The following TMX3 variants were observed in gnomAD, a reference collection of about 807,000 sequenced individuals.
The protein encoded by TMX3 is thioredoxin related transmembrane protein 3, also known as protein disulfide-isomerase TMX3.
Under a neutral mutation model 64.4 loss-of-function variants are expected in TMX3, and 40 were observed. The ratio of observed to expected loss-of-function variants is 0.62; its 90% CI spans 0.48 to 0.81. TMX3 has a LOEUF of 0.81. Ranked by LOEUF, TMX3 falls within the 30% of genes least tolerant of loss-of-function variation. The pLI, the probability that TMX3 is intolerant of heterozygous loss-of-function variation, is 0.00. For missense variants in TMX3, 497 were observed against 534.5 expected (o/e 0.93, Z 0.69); for synonymous variants, 189 against 175.7 (o/e 1.08, Z -0.60).
chr18:68,715,014 G>A lies in TMX3; in HGVS notation c.-33C>T. 1 of 1,557,948 alleles carries A rather than the reference G, an allele frequency of 6.4e-7. No individual in the cohort carries two copies. Among genetic ancestry groups the A allele is most frequent in the Non-Finnish European group, 8.7e-7 (1 of 1,151,278 alleles). ...CGGGAGAGCTGCAGAAGCTGACTGT[G>A]CAAAAGAGGGATAAAGACACTGGGG... On this transcript the variant is annotated 5_prime_UTR_variant, in exon 1 of 16. Coordinates refer to ENST00000299608, the MANE Select transcript of TMX3 (RefSeq NM_019022.5).
At chr18:68,702,206 A>C (rs1273347145) in intron 4 of TMX3, among the ~76,000 whole-genome samples, 1 of 131,604 alleles carries the variant, frequency 7.6e-6, no homozygotes, top group African/African-American at 2.9e-5. Flanking sequence ...AAAAAAGCCC[A>C]TCTCTTCTTT....
At chr18:68,704,130 T>C (rs1342441988) in intron 4 of TMX3, among the ~76,000 whole-genome samples, 3 of 151,988 alleles carry the variant, frequency 2.0e-5, no homozygotes, top group Admixed American at 6.6e-5. Context: ...AACGAAAAAA[T>C]AGATGGAACA....
At chr18:68,709,448 T>C (rs1488927941) in intron 4 of TMX3, among the ~76,000 whole-genome samples, 2 of 152,132 alleles carry the variant, frequency 1.3e-5, no homozygotes, top group African/African-American at 4.8e-5. Context: ...AGATAACAAA[T>C]AGCTATGCTT....
chr18:68,694,068 T>A (rs573447515), intron 8 of TMX3, among the ~76,000 whole-genome samples: 1 of 152,272 alleles, frequency 6.6e-6, no homozygotes, highest in African/African-American at 2.4e-5. Context: ...TTGCTCATCC[T>A]CCAGTTGTCC....
At chr18:68,701,532 A>G (rs761664612) in intron 5 of TMX3, 42 of 1,130,632 alleles carry the variant, frequency 3.7e-5, no homozygotes, top group Admixed American at 4.6e-5. Context: ...AGCAAGCAAA[A>G]CACGTGAATT....
intron 3 of TMX3, among the ~76,000 whole-genome samples, chr18:68,710,577 A>G (rs2031175972): frequency 1.3e-5 from 2 of 152,184 alleles, no homozygotes; most frequent in Non-Finnish European, 2.9e-5. Context: ...GCTGAGTTCT[A>G]TTGTAACCAC....
chr18:68,685,320 T>C (rs1024882750), intron 10 of TMX3, among the ~76,000 whole-genome samples: 1 of 152,252 alleles, frequency 6.6e-6, no homozygotes, highest in African/African-American at 2.4e-5. Context: ...ATTAAATCCA[T>C]AATCTTTCAG....
chr18:68,712,340 C>T (rs2031366886), intron 2 of TMX3, among the ~76,000 whole-genome samples: 2 of 152,196 alleles, frequency 1.3e-5, no homozygotes, highest in Admixed American at 1.3e-4. Context: ...TAGCCTTGAC[C>T]GGGGTCTGAC....
Position 68,674,357 on chromosome 18 carries a change from C to T in TMX3, c.*2576G>A, listed in dbSNP as rs555614881. On this transcript the variant is annotated 3_prime_UTR_variant, in exon 16 of 16. Transcript: ENST00000299608. Reference sequence around the variant, plus strand: ...CTCGATAAAAACATGCACTTTGTCTCGCTGAAATGTCCTTAAATATTGTCT... The same window carrying T: ...CTCGATAAAAACATGCACTTTGTCTTGCTGAAATGTCCTTAAATATTGTCT... The T allele has an allele frequency of 1.1e-4, 17 of 152,156 alleles. No individual in the cohort carries two copies. The highest frequency in any genetic ancestry group is 4.1e-4 in the African/African-American group (17 of 41,520). The allele number at this position is 152,156 out of a possible 1,614,324, so 9.4% of individuals were successfully genotyped here.
chr18:68,682,333 G>C (rs1289343237), intron 13 of TMX3, among the ~76,000 whole-genome samples: 1 of 152,056 alleles, frequency 6.6e-6, no homozygotes, highest in Non-Finnish European at 1.5e-5. Context: ...TATCAGTCTT[G>C]TGAAGTGGCA....
intron 14 of TMX3, 41 bp downstream of exon 14, chr18:68,680,940 C>T (rs767299949): frequency 1.3e-6 from 2 of 1,517,116 alleles, no homozygotes; most frequent in South Asian, 1.4e-5. Context: ...CTCCTCTACC[C>T]CCTGTCCATC....
intron 4 of TMX3, among the ~76,000 whole-genome samples, chr18:68,709,302 ACTT>A (rs1034295143): frequency 6.6e-6 from 1 of 152,124 alleles, no homozygotes; most frequent in African/African-American, 2.4e-5. Context: ...TCTAAATTTA[ACTT>A]CTTCTTTTTC....
intron 7 of TMX3, 151 bp downstream of exon 7, chr18:68,697,781 G>A (rs1450513617): frequency 1.8e-6 from 1 of 554,114 alleles, no homozygotes; most frequent in East Asian, 2.9e-5. Context: ...GGTATAGAAG[G>A]AAGTGTTTTT....
In TMX3 at chr18:68,673,847, GAC is replaced by G. The variant is rs1164982711; in HGVS notation, c.*3084_*3085del. The G allele has an allele frequency of 6.6e-6, 1 of 152,024 alleles. No homozygotes were observed. Among genetic ancestry groups the G allele is most frequent in the African/African-American group, 2.4e-5 (1 of 41,410 alleles). The allele number at this position is 152,024 out of a possible 1,614,324, so 9.4% of individuals were successfully genotyped here. A position where few individuals can be genotyped will look rare whatever the true frequency, so the allele number is the denominator to read the frequency against. On this transcript the variant is annotated 3_prime_UTR_variant, in exon 16 of 16. Transcript: ENST00000299608. ...TATTTTTTGCCCACTCTTGGACTCA[GAC>G]ACATTCAGAAAAAATATATATTTAT... is the stretch of plus-strand genomic sequence containing the variant.
rs564110910 is a variant in TMX3 at position 68,683,003 on chromosome 18, TAAATAAATAAAAGGAG to T, written c.849-38_849-23del. The T allele has an allele frequency of 3.1e-4, 489 of 1,576,244 alleles. 3 individuals are homozygous for T. In the African/African-American group the frequency reaches 5.9e-3, roughly 19 times the overall value. ...ATCCCTAACCACCACCAACCAAAAA[TAAATAAATAAAAGGAG>T]AGGGGGTGGGGGGAGAGAGAGAGAG... On this transcript the variant is annotated intron_variant, in intron 12 of 15. Transcript: ENST00000299608.
At position 68,684,390 on chromosome 18, in the gene TMX3, G is replaced by T. The variant is rs149523841; in HGVS notation, c.794+38C>A. ...TATCTAAAGCCATATAGTCTGAAAT[G>T]AACATTTGAAGCTTAAAACTATATC... On this transcript the variant is annotated intron_variant, in intron 11 of 15. Coordinates refer to ENST00000299608, the MANE Select transcript of TMX3 (RefSeq NM_019022.5). 298 of 1,584,722 alleles carry T rather than the reference G, an allele frequency of 1.9e-4. 1 individual carries two copies. The highest frequency in any genetic ancestry group is 3.9e-4 in the Admixed American group (23 of 59,520).
intron 8 of TMX3, 95 bp downstream of exon 8, chr18:68,697,131 T>A (rs1915168423): frequency 2.8e-6 from 2 of 703,814 alleles, no homozygotes; most frequent in African/African-American, 3.7e-5. Context: ...AAATCAATAA[T>A]TTAATCAAGT....
chr18:68,695,618 A>G (rs895571018), intron 8 of TMX3, among the ~76,000 whole-genome samples: 1 of 152,154 alleles, frequency 6.6e-6, no homozygotes, highest in Non-Finnish European at 1.5e-5. Flanking sequence ...GTCACCCTCA[A>G]TTCATCCCTA....
intron 2 of TMX3, among the ~76,000 whole-genome samples, chr18:68,712,871 A>G (rs2031429428): frequency 6.6e-6 from 1 of 152,132 alleles, no homozygotes; most frequent in South Asian, 2.1e-4. Flanking sequence ...ACAGCACTGT[A>G]TGATCACCCT....
Sources: allele counts gnomAD v4.1 joint callset (sites outside exome capture counted in the v4.1 genomes callset), GRCh38; gene constraint gnomAD v4.1.1; transcripts MANE v1.5; gene names NCBI Gene and HGNC (gene_info 2026-07-23, HGNC 2026-07-21).